SVOPL: variants seen among roughly 807,000 people sequenced by gnomAD.
The protein encoded by SVOPL is putative transporter SVOPL.
In SVOPL, 60 loss-of-function variants were observed where a neutral mutation model predicts 61.0. The observed-to-expected ratio is 0.98, with a 90% CI of 0.80 to 1.22. SVOPL has a LOEUF of 1.22. SVOPL is among the 50% of genes most tolerant of loss of function. The pLI, the probability that SVOPL is intolerant of heterozygous loss-of-function variation, is 0.00. For synonymous variants in SVOPL, 279 were observed against 250.0 expected (o/e 1.12, Z -1.09); for missense variants, 662 against 643.9 (o/e 1.03, Z -0.30).
At chr7:138,642,787 G>GCTA (rs1327037056) in intron 9 of SVOPL, among the ~76,000 whole-genome samples, 2 of 144,144 alleles carry the variant, frequency 1.4e-5, no homozygotes, top group African/African-American at 5.5e-5. Context: ...CCGAGATCAC[G>GCTA]CTACTACACT....
At chr7:138,594,829 C>T (rs183182236) in intron 15 of SVOPL, among the ~76,000 whole-genome samples, 129 of 151,836 alleles carry the variant, frequency 8.5e-4, no homozygotes, top group African/African-American at 3.1e-3. Flanking sequence ...GAAAAATTCA[C>T]GTTTTATACA....
intron 14 of SVOPL, among the ~76,000 whole-genome samples, chr7:138,611,868 CCCGGCCG>C (rs2116818813): frequency 1.3e-5 from 1 of 79,322 alleles, no homozygotes; most frequent in Non-Finnish European, 2.6e-5. Flanking sequence ...GCAGCCTCTG[CCCGGCCG>C]CCACCCCGTC....
chr7:138,615,999 AAAAAT>A (rs1046746067), intron 14 of SVOPL, among the ~76,000 whole-genome samples: 3 of 151,518 alleles, frequency 2.0e-5, no homozygotes, highest in African/African-American at 7.3e-5. Context: ...TAAATAAAAT[AAAAAT>A]AAAAGAGACC....
intron 14 of SVOPL, among the ~76,000 whole-genome samples, chr7:138,603,566 G>A (rs1167166649): frequency 6.6e-6 from 1 of 152,150 alleles, no homozygotes; most frequent in Non-Finnish European, 1.5e-5. Context: ...CAGCTACTCA[G>A]GAGGCTGAGG....
chr7:138,612,504 CTTAATTTT>C (rs1444837558), intron 14 of SVOPL, among the ~76,000 whole-genome samples: 1 of 112,468 alleles, frequency 8.9e-6, no homozygotes. Flanking sequence ...CCAAGCCAGA[CTTAATTTT>C]TTTTTTTTTT....
rs6948560 is a variant in SVOPL at position 138,668,551 on chromosome 7, G to A, written c.273+3468C>T. 6.5e-3 allele frequency among the ~76,000 whole-genome samples: 996 copies of A among 152,130 alleles called. 23 individuals are homozygous for A. Among genetic ancestry groups the A allele is most frequent in the African/African-American group, 0.022 (929 of 41,508 alleles). ...ATTTTTAGATGTGCTGCTGTGATTG[G>A]GCATACAACTGGAATCCAAACTTCC... On this transcript the variant is annotated intron_variant, in intron 4 of 15. Transcript: ENST00000674285.
At chr7:138,613,807 C>CA (rs1563089463) in intron 14 of SVOPL, among the ~76,000 whole-genome samples, 7 of 152,118 alleles carry the variant, frequency 4.6e-5, no homozygotes, top group African/African-American at 1.4e-4. Flanking sequence ...AACAGGTTCT[C>CA]AAAAAACCCA....
intron 1 of SVOPL, among the ~76,000 whole-genome samples, chr7:138,694,765 C>A (rs1253774100): frequency 6.6e-6 from 1 of 152,056 alleles, no homozygotes; most frequent in Non-Finnish European, 1.5e-5. Flanking sequence ...TGTTTTGAGA[C>A]AGAGTTTCGC....
rs1027468747 is a variant in SVOPL at position 138,605,449 on chromosome 7, G to A, written c.1354-8919C>T. On this transcript the variant is annotated intron_variant, in intron 14 of 15. Coordinates refer to ENST00000674285, the MANE Select transcript of SVOPL (RefSeq NM_001139456.2). ...GGCCGAGGCAGATGGATCACCCAAG[G>A]TCAGGAGCTTGAGATCAGCCTGGCC... Among the ~76,000 whole-genome samples the A allele has an allele frequency of 3.5e-4, 53 of 152,046 alleles. 1 individual carries two copies. The highest frequency in any genetic ancestry group is 3.9e-4 in the Admixed American group (6 of 15,262).
chr7:138,674,558 G>T (rs117495448), intron 3 of SVOPL, among the ~76,000 whole-genome samples: 1 of 149,816 alleles, frequency 6.7e-6, no homozygotes, highest in African/African-American at 2.4e-5. Context: ...GAATTCCCAC[G>T]ACTGTAAGAC....
chr7:138,605,972 A>C (rs998165859), intron 14 of SVOPL, among the ~76,000 whole-genome samples: 1 of 151,118 alleles, frequency 6.6e-6, no homozygotes, highest in African/African-American at 2.4e-5. Flanking sequence ...AAATAGTTGA[A>C]TACAAATAAA....
intron 1 of SVOPL, among the ~76,000 whole-genome samples, chr7:138,691,404 T>G (rs1214213121): frequency 6.6e-6 from 1 of 152,214 alleles, no homozygotes; most frequent in Non-Finnish European, 1.5e-5. Context: ...TTTTACAATT[T>G]TAACAATCTT....
intron 4 of SVOPL, among the ~76,000 whole-genome samples, chr7:138,664,784 A>AC (rs1274893027): frequency 1.1e-4 from 6 of 53,862 alleles, no homozygotes; most frequent in Non-Finnish European, 1.8e-4. Context: ...GCTGCTGCTC[A>AC]CCCCCAGCTC....
intron 1 of SVOPL, among the ~76,000 whole-genome samples, chr7:138,682,975 A>AAG (rs1802731282): frequency 6.6e-6 from 1 of 151,220 alleles, no homozygotes; most frequent in African/African-American, 2.4e-5. Context: ...TCTCAAAAAA[A>AAG]AAAAAAAGAA....
chr7:138,632,459 TGAA>T (rs777042102), intron 9 of SVOPL, among the ~76,000 whole-genome samples: 1 of 123,606 alleles, frequency 8.1e-6, no homozygotes, highest in Non-Finnish European at 1.5e-5. Context: ...CAGATGACTG[TGAA>T]GAAGATCACT....
intron 14 of SVOPL, among the ~76,000 whole-genome samples, chr7:138,607,595 A>G (rs1798814464): frequency 6.6e-6 from 1 of 152,156 alleles, no homozygotes; most frequent in African/African-American, 2.4e-5. Flanking sequence ...GTCACTGGAG[A>G]CCTTACCAAG....
chr7:138,663,329 TGTTG>T (rs1802085477), intron 4 of SVOPL, 184 bp from the exon 5 acceptor site: 2 of 1,431,346 alleles, frequency 1.4e-6, no homozygotes, highest in Admixed American at 2.8e-5. Context: ...TTCAGCTCCC[TGTTG>T]GTGGGAGCCT....
chr7:138,627,606 G>T, intron 11 of SVOPL, 145 bp from the exon 12 acceptor site: 1 of 635,770 alleles, frequency 1.6e-6, no homozygotes, highest in Non-Finnish European at 2.7e-6. Context: ...ATCCAGTCAC[G>T]TTGTCATCAA....
intron 1 of SVOPL, among the ~76,000 whole-genome samples, chr7:138,680,397 C>T (rs906052266): frequency 6.6e-6 from 1 of 152,168 alleles, no homozygotes; most frequent in East Asian, 1.9e-4. Flanking sequence ...GATCCGCCTG[C>T]CTTGGCTTCC....
Sources: allele counts gnomAD v4.1 joint callset (sites outside exome capture counted in the v4.1 genomes callset), GRCh38; gene constraint gnomAD v4.1.1; transcripts MANE v1.5; gene names NCBI Gene and HGNC (gene_info 2026-07-23, HGNC 2026-07-21).